Variants in FOXP2 observed in about 807,000 individuals in gnomAD.
FOXP2 encodes forkhead box P2.
FOXP2 carries 12 observed loss-of-function variants against 115.8 expected under a neutral mutation model. The observed-to-expected ratio is 0.10, with a 90% CI of 0.07 to 0.17. The LOEUF (loss-of-function observed/expected upper bound fraction) is 0.17, where lower values mean the gene tolerates loss of function less well. Ranked by LOEUF, FOXP2 falls within the 10% of genes least tolerant of loss-of-function variation. The probability of loss-of-function intolerance (pLI) is 1.00; values close to 1 mark genes in which losing one functional copy is unlikely to be tolerated. For missense variants in FOXP2, 629 were observed against 843.5 expected (o/e 0.75, Z 3.15); for synonymous variants, 328 against 297.7 (o/e 1.10, Z -1.05).
intron 2 of FOXP2, among the ~76,000 whole-genome samples, chr7:114,440,844 A>G (rs1286623656): frequency 6.6e-6 from 1 of 152,210 alleles, no homozygotes; most frequent in Non-Finnish European, 1.5e-5. Flanking sequence ...ATAATTTATC[A>G]AAATTACCTG....
chr7:114,575,231 A>G lies in FOXP2; in HGVS notation c.258+40525A>G, dbSNP rs1488858693. Among the ~76,000 whole-genome samples, 4 of 151,770 alleles carry G rather than the reference A, an allele frequency of 2.6e-5. No homozygotes were observed. The East Asian group carries it at 7.7e-4, about 29-fold the overall frequency. ...TTATAACAATAATACTACCTACCTC[A>G]TAAGGTGGTAACGGGAATTAAATAT... On this transcript the variant is annotated intron_variant, in intron 3 of 16. Coordinates refer to ENST00000350908, the MANE Select transcript of FOXP2 (RefSeq NM_014491.4).
intron 3 of FOXP2, among the ~76,000 whole-genome samples, chr7:114,589,099 T>A (rs565323081): frequency 6.6e-6 from 1 of 152,300 alleles, no homozygotes; most frequent in South Asian, 2.1e-4. Context: ...CAGACTGCTT[T>A]TGTTTTATAA....
intron 3 of FOXP2, among the ~76,000 whole-genome samples, chr7:114,604,021 A>T (rs879891522): frequency 6.6e-6 from 1 of 152,218 alleles, no homozygotes; most frequent in Non-Finnish European, 1.5e-5. Context: ...ACTATTTACA[A>T]TGTTAAGTAC....
intron 16 of FOXP2, among the ~76,000 whole-genome samples, chr7:114,685,680 G>T (rs544465287): frequency 2.6e-5 from 4 of 152,300 alleles, no homozygotes; most frequent in Non-Finnish European, 4.4e-5. Context: ...GGAAATTCCA[G>T]TGTTCTTTGC....
At chr7:114,256,721 C>G (rs761618949) in intron 1 of FOXP2, among the ~76,000 whole-genome samples, 71 of 152,130 alleles carry the variant, frequency 4.7e-4, no homozygotes, top group Non-Finnish European at 9.7e-4. Context: ...TCCGATTTGT[C>G]AATTTTTGCT....
intron 1 of FOXP2, among the ~76,000 whole-genome samples, chr7:114,089,265 A>G (rs2129138712): frequency 6.6e-6 from 1 of 152,248 alleles, no homozygotes; most frequent in African/African-American, 2.4e-5. Flanking sequence ...GTGAGAAATG[A>G]CACTCAATTT....
chr7:114,551,877 G>A lies in FOXP2; in HGVS notation c.258+17171G>A, dbSNP rs1408257909. Among the ~76,000 whole-genome samples the A allele has an allele frequency of 3.9e-5, 6 of 152,046 alleles. No homozygotes were observed. The East Asian group carries it at 1.2e-3, about 29-fold the overall frequency. On this transcript the variant is annotated intron_variant, in intron 3 of 16. Transcript: ENST00000350908. ...TAAGGTGGACCCTCATACTAGCAAA[G>A]GTATCTAAGAGTACGTTTTATGACA...
chr7:114,130,228 T>C (rs1791835054), intron 1 of FOXP2, among the ~76,000 whole-genome samples: 2 of 152,046 alleles, frequency 1.3e-5, no homozygotes, highest in African/African-American at 4.8e-5. Context: ...GAGACTAAGT[T>C]GGGAGGATGA....
In FOXP2 at chr7:114,644,665, G is replaced by A. The variant is rs776218490; in HGVS notation, c.990-20G>A. The stretch of plus-strand genomic sequence containing the variant: ...TATAGCTTTTTGAGATGAATCTGAC[G>A]TCGTGTTCTTTTGCTACAGCTCGTC... On this transcript the variant is annotated intron_variant, in intron 7 of 16. Transcript: ENST00000350908. 8.8e-6 allele frequency: 14 copies of A among 1,596,914 alleles called. No individual in the cohort carries two copies. The highest frequency in any genetic ancestry group is 1.1e-5 in the Non-Finnish European group (13 of 1,164,460).
At chr7:114,127,459 G>C (rs938152146) in intron 1 of FOXP2, among the ~76,000 whole-genome samples, 2 of 152,124 alleles carry the variant, frequency 1.3e-5, no homozygotes, top group African/African-American at 4.8e-5. Flanking sequence ...GGGTGCATAG[G>C]CCTATTCTAT....
chr7:114,087,368 T>C (rs933600790), upstream of FOXP2, among the ~76,000 whole-genome samples: 8 of 152,078 alleles, frequency 5.3e-5, no homozygotes, highest in Non-Finnish European at 1.0e-4. Context: ...CACGACCGGC[T>C]TCCCCCGGTG....
intron 1 of FOXP2, among the ~76,000 whole-genome samples, chr7:114,121,293 C>T (rs529104961): frequency 1.3e-5 from 2 of 152,144 alleles, no homozygotes; most frequent in Non-Finnish European, 2.9e-5. Context: ...GAAGAAGGCC[C>T]TCATCAGAAC....
intron 1 of FOXP2, among the ~76,000 whole-genome samples, chr7:114,221,813 C>T (rs1794629355): frequency 6.6e-6 from 1 of 152,100 alleles, no homozygotes; most frequent in Non-Finnish European, 1.5e-5. Context: ...AGACTTCTAG[C>T]CTTAAGCTCT....
chr7:114,625,788 G>C (rs767051639), intron 3 of FOXP2, among the ~76,000 whole-genome samples: 2 of 151,730 alleles, frequency 1.3e-5, no homozygotes, highest in Non-Finnish European at 3.0e-5. Context: ...TAGATTTTTA[G>C]TAATCTCCTT....
chr7:114,423,188 C>T (rs542043321), intron 1 of FOXP2, among the ~76,000 whole-genome samples: 2 of 151,744 alleles, frequency 1.3e-5, no homozygotes, highest in Admixed American at 1.3e-4. Flanking sequence ...GCATAGCCAC[C>T]ATCCATTATA....
At chr7:114,661,254 T>C (rs1229585214) in intron 13 of FOXP2, among the ~76,000 whole-genome samples, 1 of 152,106 alleles carries the variant, frequency 6.6e-6, no homozygotes, top group African/African-American at 2.4e-5. Context: ...ATTTGAATTA[T>C]GGAAAATACT....
chr7:114,447,923 G>T (rs1456001703), intron 2 of FOXP2, among the ~76,000 whole-genome samples: 1 of 152,106 alleles, frequency 6.6e-6, no homozygotes, highest in East Asian at 1.9e-4. Flanking sequence ...GAGCTGGAAT[G>T]AAACATTTCA....
intron 4 of FOXP2, chr7:114,629,504 T>G (rs1393390436): frequency 3.6e-6 from 4 of 1,123,210 alleles, no homozygotes; most frequent in Non-Finnish European, 5.1e-6. Flanking sequence ...AGTTTTTATG[T>G]GTCAGTAGGA....
chr7:114,240,811 G>T (rs1449088402), intron 1 of FOXP2, among the ~76,000 whole-genome samples: 1 of 151,500 alleles, frequency 6.6e-6, no homozygotes, highest in African/African-American at 2.4e-5. Context: ...ATTTTATTTG[G>T]ATAACTGATG....
Sources: gnomAD v4.1 joint callset for allele counts (sites outside exome capture counted in the v4.1 genomes callset) on GRCh38, gnomAD v4.1.1 for gene constraint, MANE v1.5 for transcripts, NCBI Gene and HGNC (gene_info 2026-07-23, HGNC 2026-07-21) for gene names.